The following ARPP21 variants were observed in gnomAD, a reference collection of about 807,000 sequenced individuals.
ARPP21 encodes cAMP regulated phosphoprotein 21, also known as cAMP-regulated phosphoprotein 21.
ARPP21 carries 69 observed loss-of-function variants against 113.2 expected under a neutral mutation model. The observed-to-expected ratio is 0.61, with a 90% CI of 0.50 to 0.74. The LOEUF (loss-of-function observed/expected upper bound fraction) is 0.74. ARPP21 is among the 30% of genes least tolerant of loss of function. The probability of loss-of-function intolerance (pLI) is 0.00; values close to 1 mark genes in which losing one functional copy is unlikely to be tolerated. For missense variants in ARPP21, 1,070 were observed against 1,037.4 expected, an observed-to-expected ratio of 1.03 and a Z score of -0.43; for synonymous variants, 368 against 375.5, an observed-to-expected ratio of 0.98 and a Z score of 0.23.
intron 1 of ARPP21, among the ~76,000 whole-genome samples, chr3:35,674,220 T>C (rs9311104): frequency 6.6e-6 from 1 of 151,636 alleles, no homozygotes; most frequent in Non-Finnish European, 1.5e-5. Context: ...AAATAGTACT[T>C]CTTGATATAG....
intron 14 of ARPP21, among the ~76,000 whole-genome samples, chr3:35,724,129 T>G (rs548470616): frequency 6.6e-6 from 1 of 152,322 alleles, no homozygotes; most frequent in South Asian, 2.1e-4. Context: ...ATAATGAGAC[T>G]TTTTCCACAT....
chr3:35,639,195 G>C (rs956736952), upstream of ARPP21, among the ~76,000 whole-genome samples: 2 of 152,102 alleles, frequency 1.3e-5, no homozygotes, highest in African/African-American at 4.8e-5. The surrounding 1 kb of genome is among the most constrained non-coding windows in gnomAD (Gnocchi z 5.0). Flanking sequence ...TCCAGCCTTA[G>C]GGCTGGCGGA....
At chr3:35,682,949 A>C in intron 4 of ARPP21, 60 bp downstream of exon 4, 2 of 1,457,612 alleles carry the variant, frequency 1.4e-6, no homozygotes, top group Non-Finnish European at 9.4e-7. Flanking sequence ...CATATTTTAC[A>C]TCAGAGTTAA....
upstream of ARPP21, among the ~76,000 whole-genome samples, chr3:35,639,428 G>T (rs1209968968): frequency 1.3e-5 from 2 of 152,052 alleles, no homozygotes; most frequent in Admixed American, 6.5e-5. The surrounding 1 kb of genome is among the most constrained non-coding windows in gnomAD (Gnocchi z 5.0). Flanking sequence ...CTCAGCCCGG[G>T]CGGGGACCGG....
At position 35,793,900 on chromosome 3, in the gene ARPP21, C is replaced by G. The variant is rs201813685; in HGVS notation, c.2486C>G (p.Ala829Gly). ...CPSSTVPVMS[A>G]SCRTNCASMS... ...TCCAGCACTGTCCCAGTGATGTCAG[C>G]TAGCTGCAGAACAAACTGTGCAAGT... Residue 829 changes from alanine (A) to glycine (G), a missense_variant, in exon 21 of 21, where the codon GCT becomes GGT. Transcript: ENST00000684406. 1 of 1,614,058 alleles carries G rather than the reference C, an allele frequency of 6.2e-7. No homozygotes were observed. Among genetic ancestry groups the G allele is most frequent in the Admixed American group, 1.7e-5 (1 of 60,014 alleles).
At position 35,721,648 on chromosome 3, in the gene ARPP21, A is replaced by G. The variant is rs759495165; in HGVS notation, c.1039A>G (p.Ser347Gly). ...GSGRTSGSRQSSSENELKWSD... is the reference protein window; with the variant it reads ...GSGRTSGSRQGSSENELKWSD... Reference sequence around the variant, plus strand: ...AGGGAGAACATCTGGGAGTCGACAGAGCAGCTCAGAAAATGAACTCAAGTG... The same window carrying G: ...AGGGAGAACATCTGGGAGTCGACAGGGCAGCTCAGAAAATGAACTCAAGTG... The change falls in exon 14 of 21, where the codon AGC becomes GGC. Residue 347 changes from serine to glycine, a missense_variant. Ser to Gly is a moderately conservative substitution (Grantham distance 56, BLOSUM62 0). Coordinates refer to ENST00000684406, the MANE Select transcript of ARPP21 (RefSeq NM_001385562.1). The G allele has an allele frequency of 6.2e-7, 1 of 1,613,906 alleles. No homozygotes were observed. Among genetic ancestry groups the G allele is most frequent in the Admixed American group, 1.7e-5 (1 of 59,996 alleles).
In ARPP21 at chr3:35,748,098, GAAAGAAAGAAAGAAGA is replaced by G. The variant is rs1226247002; in HGVS notation, c.2137+4136_2137+4151del. On this transcript the variant is annotated intron_variant, in intron 19 of 20. Coordinates refer to ENST00000684406, the MANE Select transcript of ARPP21 (RefSeq NM_001385562.1). Reference sequence around the variant, plus strand: ...AGAAAGAAAGAAAGAAAGAAAGAAAGAAAGAAAGAAAGAAGAAAGAAAGAAAGAAAAGAAAGAAAGG... The same window carrying G: ...AGAAAGAAAGAAAGAAAGAAAGAAAGAAGAAAGAAAGAAAAGAAAGAAAGG... Among the ~76,000 whole-genome samples, 62 of 127,770 alleles carry G rather than the reference GAAAGAAAGAAAGAAGA, an allele frequency of 4.9e-4. 1 individual carries two copies. Among genetic ancestry groups the G allele is most frequent in the African/African-American group, 1.6e-3 (52 of 31,628 alleles). The allele number at this position is 127,770 out of a possible 152,430, so 83.8% of individuals were successfully genotyped here.
chr3:35,715,248 A>C, intron 11 of ARPP21, 191 bp from the exon 12 acceptor site: 3 of 541,568 alleles, frequency 5.5e-6, no homozygotes, highest in Non-Finnish European at 6.7e-6. Context: ...AAAATACCCT[A>C]TGCTGCATGA....
intron 1 of ARPP21, among the ~76,000 whole-genome samples, chr3:35,658,106 T>C (rs1448503440): frequency 6.6e-6 from 1 of 152,172 alleles, no homozygotes; most frequent in African/African-American, 2.4e-5. Flanking sequence ...GGCATCTTTC[T>C]TTAATCAGTA....
At chr3:35,762,068 T>A (rs560553035) in intron 19 of ARPP21, among the ~76,000 whole-genome samples, 2 of 144,746 alleles carry the variant, frequency 1.4e-5, no homozygotes, top group South Asian at 4.3e-4. Context: ...GTCAAAAACT[T>A]TATAATAACT....
At chr3:35,751,761 G>T (rs112519176) in intron 19 of ARPP21, among the ~76,000 whole-genome samples, 46 of 152,212 alleles carry the variant, frequency 3.0e-4, no homozygotes, top group Non-Finnish European at 7.4e-5. Context: ...GCCAGAGAGG[G>T]TCTTCTGCTA....
At chr3:35,685,961 A>G (rs2080436679) in intron 5 of ARPP21, 3 of 276,652 alleles carry the variant, frequency 1.1e-5, no homozygotes, top group Non-Finnish European at 1.1e-5. Flanking sequence ...TTTCCTGAGT[A>G]TAGTATTTGT....
intron 19 of ARPP21, among the ~76,000 whole-genome samples, chr3:35,759,198 C>T (rs959924797): frequency 3.9e-5 from 6 of 151,962 alleles, no homozygotes; most frequent in Admixed American, 6.6e-5. Flanking sequence ...AAGACTCTAA[C>T]TGAGGTCTAA....
At chr3:35,658,287 C>A (rs1219401569) in intron 1 of ARPP21, among the ~76,000 whole-genome samples, 21 of 151,964 alleles carry the variant, frequency 1.4e-4, no homozygotes, top group Admixed American at 1.4e-3. Context: ...CCTTTCTGAA[C>A]CGTTTTCTTT....
chr3:35,678,593 A>G (rs1021370040), intron 1 of ARPP21, among the ~76,000 whole-genome samples: 4 of 151,988 alleles, frequency 2.6e-5, no homozygotes, highest in Non-Finnish European at 4.4e-5. Flanking sequence ...CTAATCATCC[A>G]TCTTCATAAA....
In ARPP21 at chr3:35,729,417, C is replaced by G. The variant is rs748023326; in HGVS notation, c.1340C>G (p.Pro447Arg). The G allele has an allele frequency of 4.3e-6, 7 of 1,614,048 alleles. No homozygotes were observed. The East Asian group carries it at 1.6e-4, about 36-fold the overall frequency. The change falls in exon 15 of 21, where the codon CCT becomes CGT. Residue 447 changes from proline (P) to arginine (R), a missense_variant. Coordinates refer to ENST00000684406, the MANE Select transcript of ARPP21 (RefSeq NM_001385562.1). ...GCAGCTGGCTCTCCAGGCTGTGTGC[C>G]TTATCCAGAGAATGGAATAGGGGGC... ...GVAAGSPGCV[P>R]YPENGIGGQV...
At chr3:35,711,040 AAATCC>A (rs1285829329) in intron 11 of ARPP21, among the ~76,000 whole-genome samples, 1 of 152,214 alleles carries the variant, frequency 6.6e-6, no homozygotes, top group African/African-American at 2.4e-5. Flanking sequence ...ATAGCTTTTT[AAATCC>A]ATGAAATCAT....
chr3:35,757,330 T>A (rs1174321891), intron 19 of ARPP21, among the ~76,000 whole-genome samples: 1 of 152,058 alleles, frequency 6.6e-6, no homozygotes. Flanking sequence ...GCCAGAATGC[T>A]GGGGTTACAG....
intron 3 of ARPP21, 43 bp from the exon 4 acceptor site, chr3:35,682,805 T>G: frequency 6.4e-7 from 1 of 1,569,274 alleles, no homozygotes; most frequent in Non-Finnish European, 8.7e-7. Flanking sequence ...TTCGTTTTTG[T>G]TTGTTTTATT....
Sources: gnomAD v4.1 joint callset for allele counts (sites outside exome capture counted in the v4.1 genomes callset) on GRCh38, gnomAD v4.1.1 for gene constraint, Gnocchi (gnomAD v3.1) non-coding constraint, MANE v1.5 for transcripts, NCBI Gene and HGNC (gene_info 2026-07-23, HGNC 2026-07-21) for gene names.